SENP6: variants seen among roughly 807,000 people sequenced by gnomAD.
SENP6 encodes SUMO specific peptidase 6.
In SENP6, 41 loss-of-function variants were observed where a neutral mutation model predicts 134.5. The ratio of observed to expected loss-of-function variants is 0.30; its 90% CI spans 0.24 to 0.40. The LOEUF (loss-of-function observed/expected upper bound fraction) is 0.40. Ranked by LOEUF, SENP6 falls within the 10% of genes least tolerant of loss-of-function variation. SENP6 has a pLI of 1.00. For synonymous variants in SENP6, 395 were observed against 429.8 expected, an observed-to-expected ratio of 0.92 and a Z score of 1.00; for missense variants, 1,248 against 1,312.5, an observed-to-expected ratio of 0.95 and a Z score of 0.76.
chr6:75,682,420 T>G (rs999894695), intron 16 of SENP6, among the ~76,000 whole-genome samples: 2 of 151,134 alleles, frequency 1.3e-5, no homozygotes, highest in Non-Finnish European at 2.9e-5. Flanking sequence ...TTTTTTTTAA[T>G]TATACTTTAA....
At chr6:75,625,131 T>TTC (rs1554160207) in intron 3 of SENP6, among the ~76,000 whole-genome samples, 1 of 149,534 alleles carries the variant, frequency 6.7e-6, no homozygotes, top group Non-Finnish European at 1.5e-5. Flanking sequence ...TTTTTTTTTT[T>TTC]CAGACGGAGT....
intron 10 of SENP6, among the ~76,000 whole-genome samples, chr6:75,669,559 G>C (rs1772509977): frequency 6.6e-6 from 1 of 151,626 alleles, no homozygotes; most frequent in Non-Finnish European, 1.5e-5. Context: ...TTTTATTCTT[G>C]TGATGATAAT....
intron 23 of SENP6, 38 bp from the exon 24 acceptor site, chr6:75,715,347 A>T (rs1436532722): frequency 7.1e-7 from 1 of 1,404,614 alleles, no homozygotes; most frequent in Non-Finnish European, 9.9e-7. Flanking sequence ...AAGGTTATTT[A>T]TTACAGTTTT....
intron 8 of SENP6, among the ~76,000 whole-genome samples, chr6:75,661,237 G>A (rs1388338985): frequency 6.6e-6 from 1 of 152,122 alleles, no homozygotes; most frequent in Non-Finnish European, 1.5e-5. Flanking sequence ...CTTCTCCAGA[G>A]GTAAGTAACT....
At chr6:75,712,799 G>A (rs1479692515) in intron 21 of SENP6, among the ~76,000 whole-genome samples, 1 of 151,992 alleles carries the variant, frequency 6.6e-6, no homozygotes, top group Non-Finnish European at 1.5e-5. Context: ...TCTACAATAA[G>A]TTTTAGTTAA....
At chr6:75,660,057 G>A (rs140275724) in intron 8 of SENP6, among the ~76,000 whole-genome samples, 30 of 152,182 alleles carry the variant, frequency 2.0e-4, no homozygotes, top group African/African-American at 6.7e-4. Flanking sequence ...GAATTGCTGC[G>A]AATCTTTAGT....
chr6:75,679,032 T>A (rs1773284476), intron 16 of SENP6, 105 bp downstream of exon 16: 1 of 623,632 alleles, frequency 1.6e-6, no homozygotes, highest in South Asian at 2.0e-5. Flanking sequence ...ATTCCATCTC[T>A]GCCACTTACT....
intron 20 of SENP6, among the ~76,000 whole-genome samples, chr6:75,710,075 G>A (rs1004705680): frequency 6.6e-6 from 1 of 152,036 alleles, no homozygotes; most frequent in African/African-American, 2.4e-5. Flanking sequence ...GCATTTATGG[G>A]TCATACTTAA....
At position 75,656,447 on chromosome 6, in the gene SENP6, TTAGC is replaced by T. The variant is rs199670923; in HGVS notation, c.551-2811_551-2808del. On this transcript the variant is annotated intron_variant, in intron 7 of 23. Transcript: ENST00000447266. Reference sequence around the variant, plus strand: ...TAGCAAAAATCACTTCTGTGATCAGTTAGCTAGTAAAACTTCCACAGGCCACTTA... The same window carrying T: ...TAGCAAAAATCACTTCTGTGATCAGTTAGTAAAACTTCCACAGGCCACTTA... 9.5e-3 allele frequency among the ~76,000 whole-genome samples: 1,450 copies of T among 152,282 alleles called. 18 individuals are homozygous for T. The highest frequency in any genetic ancestry group is 0.014 in the Non-Finnish European group (933 of 68,012).
chr6:75,665,250 C>T (rs1015051472), intron 9 of SENP6, among the ~76,000 whole-genome samples: 1 of 150,766 alleles, frequency 6.6e-6, no homozygotes, highest in African/African-American at 2.4e-5. Context: ...CGCGCCACTG[C>T]GCTCCAGCCT....
rs537565620 is a variant in SENP6, at chr6:75,629,958, A to G, written c.208-3623A>G. ...CCTAAGTTGTTTACCAAGAATTTACATTAAAATAGCTAACAATAGATATGG... is the reference window on the plus strand; with the variant it reads ...CCTAAGTTGTTTACCAAGAATTTACGTTAAAATAGCTAACAATAGATATGG... On this transcript the variant is annotated intron_variant, in intron 3 of 23. Transcript: ENST00000447266. Among the ~76,000 whole-genome samples, 254 of 152,278 alleles carry G rather than the reference A, an allele frequency of 1.7e-3. 1 individual carries two copies. The highest frequency in any genetic ancestry group is 2.6e-3 in the Non-Finnish European group (178 of 68,010).
chr6:75,634,765 C>G lies in SENP6; in HGVS notation c.412C>G (p.His138Asp), dbSNP rs760394532. The change falls in exon 5 of 24, where the codon CAT (histidine) becomes GAT (aspartate). Residue 138 changes from histidine (H) to aspartate (D), a missense_variant. Transcript: ENST00000447266. The stretch of plus-strand genomic sequence containing the variant: ...AACTGTAGTTCATGGTAGACGTTTT[C>G]ATCATGCTCATGCACAGATACCAGT... ...SGTVVHGRRF[H>D]HAHAQIPVVK... is the part of the protein sequence containing the mutation. 1 of 1,597,636 alleles carries G rather than the reference C, an allele frequency of 6.3e-7. No homozygotes were observed. The highest frequency in any genetic ancestry group is 1.4e-5 in the African/African-American group (1 of 73,850).
rs1775132130 is a variant in SENP6 at position 75,702,850 on chromosome 6, C to T, written c.2494C>T (p.His832Tyr). The change falls in exon 19 of 24, where the codon CAT becomes TAT. Residue 832 changes from histidine to tyrosine, a missense_variant. Transcript: ENST00000447266. The stretch of plus-strand genomic sequence containing the variant: ...AATTAAGAAGATGCTAAACAAAAAA[C>T]ATTGCATAGCTGTAATTGATTCCAA... ...PVIKKMLNKKHCIAVIDSNPG... is the reference protein window; with the variant it reads ...PVIKKMLNKKYCIAVIDSNPG... The T allele has an allele frequency of 3.1e-6, 5 of 1,614,078 alleles. No homozygotes were observed. Among genetic ancestry groups the T allele is most frequent in the Non-Finnish European group, 4.2e-6 (5 of 1,179,980 alleles).
chr6:75,711,308 C>T lies in SENP6; in HGVS notation c.2821-20C>T. 1.9e-6 allele frequency: 3 copies of T among 1,568,898 alleles called. No homozygotes were observed. The highest frequency in any genetic ancestry group is 2.6e-6 in the Non-Finnish European group (3 of 1,141,928). ...TTAGATTATATATTTTCAGTATTAA[C>T]AGTAGGCTGTCTTTTATAGGATGAT... On this transcript the variant is annotated intron_variant, in intron 20 of 23. Transcript: ENST00000447266.
chr6:75,703,859 G>A (rs1031416267), intron 19 of SENP6, among the ~76,000 whole-genome samples: 27 of 152,142 alleles, frequency 1.8e-4, no homozygotes, highest in Non-Finnish European at 8.8e-5. Context: ...CCCCTAGGGT[G>A]CAATTTTGAA....
intron 16 of SENP6, among the ~76,000 whole-genome samples, chr6:75,695,370 T>G (rs1017666738): frequency 2.6e-5 from 4 of 152,272 alleles, no homozygotes; most frequent in African/African-American, 9.6e-5. Context: ...CAAACTTTGC[T>G]AATAACTTCC....
At chr6:75,688,294 T>C (rs1773992566) in intron 16 of SENP6, among the ~76,000 whole-genome samples, 1 of 152,168 alleles carries the variant, frequency 6.6e-6, no homozygotes, top group African/African-American at 2.4e-5. Flanking sequence ...TTCCAGGTAG[T>C]CTGTGAAGGC....
chr6:75,631,616 T>A (rs1769118519), intron 3 of SENP6, among the ~76,000 whole-genome samples: 1 of 152,190 alleles, frequency 6.6e-6, no homozygotes, highest in African/African-American at 2.4e-5. Flanking sequence ...CAAATCTGTG[T>A]CCATAAGTAA....
chr6:75,713,828 G>C lies in SENP6; in HGVS notation c.3129+3G>C. The C allele has an allele frequency of 6.4e-7, 1 of 1,557,728 alleles. No homozygotes were observed. The highest frequency in any genetic ancestry group is 8.7e-7 in the Non-Finnish European group (1 of 1,152,994). On this transcript the variant is annotated splice_donor_region_variant and intron_variant, in intron 23 of 23. Transcript: ENST00000447266. ...AGTATGTAGAGAGCTTTTTTGAGGT[G>C]GGTTTCAATTTGTTGGATCTGCTAT...
Sources: gnomAD v4.1 joint callset for allele counts (sites outside exome capture counted in the v4.1 genomes callset) on GRCh38, gnomAD v4.1.1 for gene constraint, MANE v1.5 for transcripts, NCBI Gene and HGNC (gene_info 2026-07-23, HGNC 2026-07-21) for gene names.